AKT3: variants seen among roughly 807,000 people sequenced by gnomAD.
AKT3 encodes the protein AKT serine/threonine kinase 3.
A neutral mutation model predicts 65.3 loss-of-function variants in AKT3; 15 were observed. That is an observed-to-expected ratio of 0.23 (90% CI 0.15 to 0.35). The LOEUF (loss-of-function observed/expected upper bound fraction) is 0.35. Among genes scored for constraint, AKT3 ranks in the 10% least tolerant of loss-of-function variants. AKT3 has a pLI of 1.00. For synonymous variants in AKT3, 206 were observed against 183.8 expected, an observed-to-expected ratio of 1.12 and a Z score of -0.98; for missense variants, 243 against 576.5, an observed-to-expected ratio of 0.42 and a Z score of 5.92.
intron 2 of AKT3, among the ~76,000 whole-genome samples, chr1:243,761,752 T>C (rs1451328024): frequency 6.6e-6 from 1 of 152,162 alleles, no homozygotes; most frequent in East Asian, 1.9e-4. Context: ...AAGAAGTAAC[T>C]GTTAGCTGGG....
intron 12 of AKT3, among the ~76,000 whole-genome samples, chr1:243,522,532 G>A (rs1183810384): frequency 6.6e-6 from 1 of 152,104 alleles, no homozygotes; most frequent in African/African-American, 2.4e-5. Flanking sequence ...GGTAGCATGT[G>A]CCTGTGATCC....
At chr1:243,641,319 C>CAT (rs571477102) in intron 5 of AKT3, among the ~76,000 whole-genome samples, 2,718 of 146,066 alleles carry the variant, frequency 0.019, 74 homozygotes, top group African/African-American at 0.061. Flanking sequence ...TATATACACA[C>CAT]ATATATATAT....
chr1:243,564,773 T>G (rs2148490066), intron 9 of AKT3, among the ~76,000 whole-genome samples: 1 of 152,298 alleles, frequency 6.6e-6, no homozygotes, highest in South Asian at 2.1e-4. Flanking sequence ...TAAAGGTATT[T>G]CTTCTGTCAT....
At chr1:243,583,155 C>T (rs1428557190) in intron 8 of AKT3, among the ~76,000 whole-genome samples, 3 of 89,950 alleles carry the variant, frequency 3.3e-5, no homozygotes, top group African/African-American at 1.3e-4. Context: ...CTCTCTCTTC[C>T]ATGTATATGT....
At chr1:243,512,478 T>C (rs1490636537) in intron 12 of AKT3, 52 bp from the exon 13 acceptor site, 5 of 1,170,802 alleles carry the variant, frequency 4.3e-6, no homozygotes, top group African/African-American at 1.6e-5. Context: ...TTCAGGAAAA[T>C]TCCTTTCTAG....
intron 4 of AKT3, among the ~76,000 whole-genome samples, chr1:243,649,801 T>G (rs561752983): frequency 6.6e-6 from 1 of 152,326 alleles, no homozygotes; most frequent in East Asian, 1.9e-4. Flanking sequence ...ACTTTTTTTA[T>G]CCCGTCTATC....
At chr1:243,636,224 A>C (rs944660150) in intron 6 of AKT3, among the ~76,000 whole-genome samples, 4 of 152,128 alleles carry the variant, frequency 2.6e-5, no homozygotes, top group African/African-American at 9.7e-5. Flanking sequence ...GCAAATATTT[A>C]TAACAATAGC....
At chr1:243,850,813 C>G (rs1695753417), upstream of AKT3, among the ~76,000 whole-genome samples, 1 of 152,022 alleles carries the variant, frequency 6.6e-6, no homozygotes, top group African/African-American at 2.4e-5. Context: ...CCCTAGCCAG[C>G]CAGAGCCGGG....
intron 12 of AKT3, among the ~76,000 whole-genome samples, chr1:243,514,539 T>C (rs1239585700): frequency 1.3e-5 from 2 of 152,200 alleles, no homozygotes; most frequent in South Asian, 2.1e-4. Flanking sequence ...CATGCACACA[T>C]ATGATATACA....
intron 12 of AKT3, among the ~76,000 whole-genome samples, chr1:243,522,504 T>A (rs1233761147): frequency 2.0e-5 from 3 of 152,032 alleles, no homozygotes; most frequent in Non-Finnish European, 4.4e-5. Flanking sequence ...CAAAAAAATT[T>A]AAAAATTACC....
chr1:243,761,003 A>G (rs1689459008), intron 2 of AKT3, among the ~76,000 whole-genome samples: 1 of 152,182 alleles, frequency 6.6e-6, no homozygotes, highest in Admixed American at 6.5e-5. Context: ...ACTTGCAAGA[A>G]CCCAGCCCTG....
At chr1:243,645,864 T>C (rs1435351385) in intron 5 of AKT3, 29 bp downstream of exon 5, 2 of 1,567,324 alleles carry the variant, frequency 1.3e-6, no homozygotes, top group East Asian at 2.3e-5. Flanking sequence ...AAATGAATGC[T>C]GTGCTGGGAA....
At chr1:243,542,789 C>G (rs143462291) in intron 12 of AKT3, among the ~76,000 whole-genome samples, 48 of 152,132 alleles carry the variant, frequency 3.2e-4, no homozygotes, top group African/African-American at 1.1e-3. Flanking sequence ...TGATACAAAC[C>G]CAAATAGACT....
chr1:243,509,548 C>A (rs1252690199), intron 13 of AKT3, among the ~76,000 whole-genome samples: 1 of 152,142 alleles, frequency 6.6e-6, no homozygotes, highest in African/African-American at 2.4e-5. Flanking sequence ...GTACCCAAAT[C>A]CATTTTGATT....
chr1:243,499,858 C>A lies in AKT3; in HGVS notation c.*5391G>T. 7.1e-7 allele frequency: 1 copy of A among 1,399,022 alleles called. No homozygotes were observed. Among genetic ancestry groups the A allele is most frequent in the Non-Finnish European group, 1.0e-6 (1 of 994,314 alleles). The allele number at this position is 1,399,022 out of a possible 1,614,324, so 86.7% of individuals were successfully genotyped here. ...ATTCATCTGGTTTAGACTTAATATG[C>A]CACAACGCACCACGACCTTCCCAGG... On this transcript the variant is annotated 3_prime_UTR_variant, in exon 14 of 14. Transcript: ENST00000673466.
intron 2 of AKT3, among the ~76,000 whole-genome samples, chr1:243,712,961 T>G (rs1451800837): frequency 6.6e-6 from 1 of 151,970 alleles, no homozygotes; most frequent in Non-Finnish European, 1.5e-5. Flanking sequence ...AGAAAAAGAG[T>G]ATGTACTGAT....
chr1:243,779,657 A>C (rs1690781112), intron 2 of AKT3, among the ~76,000 whole-genome samples: 1 of 152,162 alleles, frequency 6.6e-6, no homozygotes, highest in East Asian at 1.9e-4. Context: ...AAGGAAAAGA[A>C]AAATACTGCA....
chr1:243,510,109 A>C (rs541096376), intron 13 of AKT3, among the ~76,000 whole-genome samples: 66 of 152,184 alleles, frequency 4.3e-4, no homozygotes, highest in Non-Finnish European at 6.9e-4. Context: ...CAAATGCTCT[A>C]TTTAAGAATG....
intron 10 of AKT3, among the ~76,000 whole-genome samples, chr1:243,558,094 T>C (rs925632856): frequency 2.2e-4 from 34 of 151,998 alleles, no homozygotes; most frequent in Non-Finnish European, 4.7e-4. Context: ...AAAAACAACA[T>C]TGGCAGCACC....
Sources: gnomAD v4.1 joint callset for allele counts (sites outside exome capture counted in the v4.1 genomes callset) on GRCh38, gnomAD v4.1.1 for gene constraint, MANE v1.5 for transcripts, NCBI Gene and HGNC (gene_info 2026-07-23, HGNC 2026-07-21) for gene names.